The following CCSER1 variants were observed in gnomAD, a reference collection of about 807,000 sequenced individuals.
CCSER1 encodes the protein coiled-coil serine rich protein 1, also known as serine-rich coiled-coil domain-containing protein 1.
A neutral mutation model predicts 82.0 loss-of-function variants in CCSER1; 41 were observed. The ratio of observed to expected loss-of-function variants is 0.50; its 90% CI spans 0.39 to 0.65. The LOEUF is 0.65. Ranked by LOEUF, CCSER1 falls within the 30% of genes least tolerant of loss-of-function variation. The pLI is 0.00. For missense variants in CCSER1, 1,119 were observed against 1,064.2 expected (o/e 1.05, Z -0.72); for synonymous variants, 414 against 383.9 (o/e 1.08, Z -0.92).
At chr4:91,113,342 T>A (rs1389433436) in intron 10 of CCSER1, among the ~76,000 whole-genome samples, 1 of 152,212 alleles carries the variant, frequency 6.6e-6, no homozygotes, top group Non-Finnish European at 1.5e-5. Context: ...TGATAGCAAT[T>A]TCTCAATCAA....
intron 1 of CCSER1, among the ~76,000 whole-genome samples, chr4:90,220,780 A>T (rs1009714119): frequency 1.3e-5 from 2 of 152,180 alleles, no homozygotes; most frequent in Non-Finnish European, 2.9e-5. Context: ...AGATATGTGT[A>T]TTGTTTCAGA....
chr4:90,347,889 C>T (rs998106821), intron 3 of CCSER1, among the ~76,000 whole-genome samples: 2 of 152,060 alleles, frequency 1.3e-5, no homozygotes, highest in Non-Finnish European at 2.9e-5. Flanking sequence ...AACATAGGTC[C>T]ACTGGCTCTG....
intron 5 of CCSER1, among the ~76,000 whole-genome samples, chr4:90,559,243 C>CT (rs533845746): frequency 9.2e-5 from 14 of 152,228 alleles, no homozygotes; most frequent in East Asian, 3.9e-4. Context: ...TTGCTCCCTA[C>CT]TTTTTTTATA....
chr4:90,880,355 A>G (rs1427520363), intron 8 of CCSER1, among the ~76,000 whole-genome samples: 9 of 152,268 alleles, frequency 5.9e-5, no homozygotes, highest in African/African-American at 2.2e-4. Flanking sequence ...CACTCAGTGC[A>G]GTCAGCCCAG....
chr4:90,354,270 A>G (rs78737958), intron 3 of CCSER1, among the ~76,000 whole-genome samples: 2,919 of 152,264 alleles, frequency 0.019, 68 homozygotes, highest in African/African-American at 0.06. Context: ...GAGAGTAAAC[A>G]GTGTTTACCA....
At chr4:90,289,926 A>G (rs561199341) in intron 1 of CCSER1, among the ~76,000 whole-genome samples, 22 of 151,840 alleles carry the variant, frequency 1.4e-4, no homozygotes, top group African/African-American at 5.3e-4. Context: ...AGATTAAAAT[A>G]CTGTAGATTG....
intron 9 of CCSER1, among the ~76,000 whole-genome samples, chr4:90,937,220 G>C (rs1428581781): frequency 1.3e-5 from 2 of 152,154 alleles, no homozygotes; most frequent in Non-Finnish European, 2.9e-5. Flanking sequence ...AGGGAAGATG[G>C]TTCTGCCAAT....
Position 90,907,790 on chromosome 4 carries a change from C to T in CCSER1, c.2095-15580C>T, listed in dbSNP as rs537975490. 2.0e-5 allele frequency among the ~76,000 whole-genome samples: 3 copies of T among 151,974 alleles called. No homozygotes were observed. The South Asian group carries it at 6.2e-4, about 32-fold the overall frequency. On this transcript the variant is annotated intron_variant, in intron 8 of 10. Coordinates refer to ENST00000509176, the MANE Select transcript of CCSER1 (RefSeq NM_001145065.2). ...AAAGTATCTTTGCAGACCAGAATTA[C>T]TGGAATAAACCCTTAGTTCAGATTT...
At chr4:90,298,483 C>CTTAG (rs1732451938) in intron 1 of CCSER1, among the ~76,000 whole-genome samples, 1 of 151,350 alleles carries the variant, frequency 6.6e-6, no homozygotes, top group South Asian at 2.1e-4. Flanking sequence ...TTTTTTGTGT[C>CTTAG]TCTATTTCCT....
intron 8 of CCSER1, among the ~76,000 whole-genome samples, chr4:90,918,499 T>C (rs538515235): frequency 1.3e-3 from 194 of 152,136 alleles, no homozygotes; most frequent in African/African-American, 3.7e-3. Context: ...CATGGCTTTG[T>C]CTTGGTTTTG....
At chr4:90,549,210 A>G (rs1319111364) in intron 5 of CCSER1, among the ~76,000 whole-genome samples, 1 of 152,198 alleles carries the variant, frequency 6.6e-6, no homozygotes, top group African/African-American at 2.4e-5. Context: ...TTAGCAAAAC[A>G]TGATGTCTAC....
At chr4:90,205,801 A>T (rs1052258055) in intron 1 of CCSER1, among the ~76,000 whole-genome samples, 8 of 152,180 alleles carry the variant, frequency 5.3e-5, no homozygotes, top group Non-Finnish European at 1.0e-4. Flanking sequence ...CTTCTGGTAG[A>T]ATTCGGCTAT....
At chr4:91,021,446 C>G (rs1307097711) in intron 9 of CCSER1, among the ~76,000 whole-genome samples, 1 of 152,092 alleles carries the variant, frequency 6.6e-6, no homozygotes, top group Non-Finnish European at 1.5e-5. Context: ...TAGATATCAA[C>G]TTTGATTTAA....
intron 6 of CCSER1, among the ~76,000 whole-genome samples, chr4:90,722,256 G>A (rs1415406889): frequency 1.3e-5 from 2 of 151,804 alleles, no homozygotes; most frequent in Non-Finnish European, 3.0e-5. Context: ...TATGCAGGCT[G>A]TCCATACTAC....
chr4:90,975,823 A>T (rs2150409414), intron 9 of CCSER1, among the ~76,000 whole-genome samples: 1 of 151,322 alleles, frequency 6.6e-6, no homozygotes, highest in African/African-American at 2.4e-5. Context: ...TTTGAAAGTA[A>T]CCCATTTTTT....
intron 8 of CCSER1, among the ~76,000 whole-genome samples, chr4:90,847,369 C>T (rs1355682033): frequency 6.6e-6 from 1 of 152,160 alleles, no homozygotes; most frequent in African/African-American, 2.4e-5. Context: ...GATCAGGAGA[C>T]CTTGAGCTTT....
intron 10 of CCSER1, among the ~76,000 whole-genome samples, chr4:91,208,095 A>G (rs1383756438): frequency 2.6e-5 from 4 of 151,746 alleles, no homozygotes; most frequent in African/African-American, 4.8e-5. Flanking sequence ...TTGCTTATAC[A>G]TTTGTCTAAG....
chr4:91,370,124 T>C (rs1749931472), intron 10 of CCSER1, among the ~76,000 whole-genome samples: 2 of 152,118 alleles, frequency 1.3e-5, no homozygotes, highest in Admixed American at 6.6e-5. Context: ...TCTATTTAAT[T>C]TGGGGATATA....
At chr4:91,028,991 C>A (rs559062952) in intron 9 of CCSER1, among the ~76,000 whole-genome samples, 1 of 151,934 alleles carries the variant, frequency 6.6e-6, no homozygotes, top group Non-Finnish European at 1.5e-5. Context: ...TAAAGACAGT[C>A]GTAGTCGTAC....
Sources: gnomAD v4.1 joint callset for allele counts (sites outside exome capture counted in the v4.1 genomes callset) on GRCh38, gnomAD v4.1.1 for gene constraint, MANE v1.5 for transcripts, NCBI Gene and HGNC (gene_info 2026-07-23, HGNC 2026-07-21) for gene names.